The following ADAMTS2 variants were observed in gnomAD, a reference collection of about 807,000 sequenced individuals.
The protein encoded by ADAMTS2 is A disintegrin and metalloproteinase with thrombospondin motifs 2.
Under a neutral mutation model 123.0 loss-of-function variants are expected in ADAMTS2, and 50 were observed. The ratio of observed to expected loss-of-function variants is 0.41; its 90% CI spans 0.32 to 0.51. The LOEUF (loss-of-function observed/expected upper bound fraction) is 0.51. Among genes scored for constraint, ADAMTS2 ranks in the 20% least tolerant of loss-of-function variants. The probability of loss-of-function intolerance (pLI) is 0.35; values close to 1 mark genes in which losing one functional copy is unlikely to be tolerated. For missense variants in ADAMTS2, 1,494 were observed against 1,705.2 expected, an observed-to-expected ratio of 0.88 and a Z score of 2.18; for synonymous variants, 678 against 695.4, an observed-to-expected ratio of 0.98 and a Z score of 0.39.
intron 2 of ADAMTS2, among the ~76,000 whole-genome samples, chr5:179,277,247 G>A (rs796869494): frequency 4.6e-5 from 7 of 152,168 alleles, no homozygotes; most frequent in African/African-American, 1.7e-4. Context: ...CGTCTCTGTT[G>A]ACCACCGTGC....
chr5:179,340,226 G>C (rs1262542472), intron 2 of ADAMTS2, among the ~76,000 whole-genome samples: 3 of 152,252 alleles, frequency 2.0e-5, no homozygotes, highest in Non-Finnish European at 4.4e-5. Flanking sequence ...GCCCATGGAG[G>C]CTTCATCCAC....
chr5:179,280,678 C>A (rs542428545), intron 2 of ADAMTS2, among the ~76,000 whole-genome samples: 1 of 152,098 alleles, frequency 6.6e-6, no homozygotes, highest in Non-Finnish European at 1.5e-5. Context: ...CCTCTCTCTC[C>A]GGGCTTCTAT....
chr5:179,223,373 C>T (rs1472755157), intron 3 of ADAMTS2, among the ~76,000 whole-genome samples: 1 of 139,170 alleles, frequency 7.2e-6, no homozygotes, highest in Non-Finnish European at 1.5e-5. Context: ...CACTCACAAA[C>T]ACGCACACAC....
rs1350113637 is a variant in ADAMTS2 at position 179,256,312 on chromosome 5, G to A, written c.688+16599C>T. On this transcript the variant is annotated intron_variant, in intron 3 of 21. Coordinates refer to ENST00000251582, the MANE Select transcript of ADAMTS2 (RefSeq NM_014244.5). This position sits in a 1 kb window ranked among gnomAD's most constrained non-coding sequence, Gnocchi z 4.1. ...AAAGAGGACGGGGGCTTATTATAAG[G>A]AAAATAGTGTCAGGCCTGCCATGGA... is the stretch of plus-strand genomic sequence containing the variant. 1.3e-5 allele frequency among the ~76,000 whole-genome samples: 2 copies of A among 152,160 alleles called. No homozygotes were observed. Among genetic ancestry groups the A allele is most frequent in the East Asian group, 3.9e-4 (2 of 5,174 alleles).
chr5:179,270,173 T>C (rs141235664), intron 3 of ADAMTS2, among the ~76,000 whole-genome samples: 2 of 152,178 alleles, frequency 1.3e-5, no homozygotes, highest in Non-Finnish European at 2.9e-5. Context: ...ACAGAGACTA[T>C]TAGTGAAAAT....
chr5:179,246,467 G>A (rs1765803669), intron 3 of ADAMTS2, among the ~76,000 whole-genome samples: 1 of 152,172 alleles, frequency 6.6e-6, no homozygotes. Flanking sequence ...CTAAAGGCTT[G>A]GGGAGGAAGA....
Position 179,332,899 on chromosome 5 carries a change from C to T in ADAMTS2, c.534+10868G>A, listed in dbSNP as rs11745920. Reference sequence around the variant, plus strand: ...TCAGGTCTGCAGGATCAGTGCTCAACGCCCATGGAGCTCCAGGTGGCCGCC... The same window carrying T: ...TCAGGTCTGCAGGATCAGTGCTCAATGCCCATGGAGCTCCAGGTGGCCGCC... On this transcript the variant is annotated intron_variant, in intron 2 of 21. Transcript: ENST00000251582. This position sits in a 1 kb window ranked among gnomAD's most constrained non-coding sequence, Gnocchi z 4.2. Among the ~76,000 whole-genome samples the T allele has an allele frequency of 0.14, 20,834 of 152,136 alleles. 1,788 individuals are homozygous for T. Among genetic ancestry groups the T allele is most frequent in the South Asian group, 0.36 (1,748 of 4,804 alleles).
chr5:179,334,716 A>C (rs751007569), intron 2 of ADAMTS2, among the ~76,000 whole-genome samples: 2 of 152,214 alleles, frequency 1.3e-5, no homozygotes, highest in African/African-American at 4.8e-5. Flanking sequence ...CTCCACAAAG[A>C]TATATTAGAA....
chr5:179,272,861 A>G lies in ADAMTS2; in HGVS notation c.688+50T>C. Reference sequence around the variant, plus strand: ...TCTCTGGGATGCTCCCCTGGGGACCAGGGCCTCAGAGGGCTCTCCACACAG... The same window carrying G: ...TCTCTGGGATGCTCCCCTGGGGACCGGGGCCTCAGAGGGCTCTCCACACAG... On this transcript the variant is annotated intron_variant, in intron 3 of 21. Transcript: ENST00000251582. The surrounding 1 kb of genome is among the most constrained non-coding windows in gnomAD (Gnocchi z 5.8). The G allele has an allele frequency of 6.3e-7, 1 of 1,589,200 alleles. No individual in the cohort carries two copies. Among genetic ancestry groups the G allele is most frequent in the East Asian group, 2.2e-5 (1 of 44,646 alleles).
rs1247333937 is a variant in ADAMTS2 at position 179,345,252 on chromosome 5, G to A, written c.77C>T (p.Pro26Leu). ...LLLLLLLLPP[P>L]LLPPPPPPAN... The stretch of plus-strand genomic sequence containing the variant: ...GGGCGGCGGCGGCGGCGGCAGGAGC[G>A]GCGGCGGCAGCAGCAGCAGCAGCAG... The change falls in exon 1 of 22, where the codon CCG becomes CTG. Residue 26 changes from proline (P) to leucine (L), a missense_variant. This residue lies in a region of ADAMTS2 where 237 missense variants were observed against 233.7 expected (regional missense o/e 1.01). Transcript: ENST00000251582. This position sits in a 1 kb window ranked among gnomAD's most constrained non-coding sequence, Gnocchi z 7.5. 8.7e-7 allele frequency: 1 copy of A among 1,143,602 alleles called. No individual in the cohort carries two copies. The highest frequency in any genetic ancestry group is 1.1e-6 in the Non-Finnish European group (1 of 938,110). 70.8% of individuals were successfully genotyped at this position (1,143,602 alleles called of 1,614,324 possible).
intron 4 of ADAMTS2, among the ~76,000 whole-genome samples, chr5:179,190,073 T>A (rs1174809341): frequency 6.6e-6 from 1 of 152,160 alleles, no homozygotes; most frequent in Non-Finnish European, 1.5e-5. Flanking sequence ...GGATCTTCAG[T>A]TGTTTCAGGC....
chr5:179,141,407 A>G (rs1763167855), intron 10 of ADAMTS2, among the ~76,000 whole-genome samples: 1 of 152,154 alleles, frequency 6.6e-6, no homozygotes, highest in Non-Finnish European at 1.5e-5. Context: ...TGTAAACTTT[A>G]TTTACAAAAA....
chr5:179,143,833 T>G (rs1763212086), intron 10 of ADAMTS2, among the ~76,000 whole-genome samples: 1 of 152,234 alleles, frequency 6.6e-6, no homozygotes, highest in Admixed American at 6.5e-5. Flanking sequence ...CATATTCCAT[T>G]AATTTTTATC....
rs1395712065 is a variant in ADAMTS2 at position 179,256,169 on chromosome 5, G to C, written c.688+16742C>G. Among the ~76,000 whole-genome samples, 1 of 152,176 alleles carries C rather than the reference G, an allele frequency of 6.6e-6. No homozygotes were observed. The highest frequency in any genetic ancestry group is 1.5e-5 in the Non-Finnish European group (1 of 68,036). On this transcript the variant is annotated intron_variant, in intron 3 of 21. Transcript: ENST00000251582. The surrounding 1 kb of genome is among the most constrained non-coding windows in gnomAD (Gnocchi z 4.1). ...AGAGGCCCCAGGCTCCTTCAGGTGG[G>C]AGCACAGGTGCCTTTCGCACAGGGC... is the stretch of plus-strand genomic sequence containing the variant.
chr5:179,165,398 G>A (rs773248370), intron 5 of ADAMTS2, among the ~76,000 whole-genome samples: 20 of 152,220 alleles, frequency 1.3e-4, no homozygotes, highest in Admixed American at 2.6e-4. Flanking sequence ...TCACCAGCTC[G>A]CCCTGGTCAT....
At chr5:179,253,023 C>T (rs1017919092) in intron 3 of ADAMTS2, among the ~76,000 whole-genome samples, 3 of 152,196 alleles carry the variant, frequency 2.0e-5, no homozygotes, top group African/African-American at 7.2e-5. Context: ...AGCAGCGTCT[C>T]CTGTCTTGAG....
intron 21 of ADAMTS2, chr5:179,120,066 C>A (rs1217283860): frequency 1.3e-5 from 2 of 152,024 alleles, no homozygotes; most frequent in African/African-American, 2.4e-5. Flanking sequence ...TAAAGTCATT[C>A]AAATTAGAAA....
chr5:179,176,018 GC>G (rs1403556851), intron 5 of ADAMTS2, among the ~76,000 whole-genome samples: 2 of 152,110 alleles, frequency 1.3e-5, no homozygotes, highest in Non-Finnish European at 2.9e-5. Context: ...CCCCAGGAAT[GC>G]CCATTTTCCT....
chr5:179,132,150 CCT>C lies in ADAMTS2; in HGVS notation c.2290+78_2290+79del, dbSNP rs1220489113. Reference sequence around the variant, plus strand: ...GGCTGCACAACCCGGGCCCCTGACCCCTGACCCCTGGCACTCTGCCCATTGAT... The same window carrying C: ...GGCTGCACAACCCGGGCCCCTGACCCGACCCCTGGCACTCTGCCCATTGAT... On this transcript the variant is annotated intron_variant, in intron 15 of 21. Coordinates refer to ENST00000251582, the MANE Select transcript of ADAMTS2 (RefSeq NM_014244.5). The surrounding 1 kb of genome is among the most constrained non-coding windows in gnomAD (Gnocchi z 6.1). 2 of 1,443,066 alleles carry C rather than the reference CCT, an allele frequency of 1.4e-6. No individual in the cohort carries two copies. Among genetic ancestry groups the C allele is most frequent in the Non-Finnish European group, 9.7e-7 (1 of 1,033,978 alleles). 89.4% of individuals were successfully genotyped at this position (1,443,066 alleles called of 1,614,324 possible). A position where few individuals can be genotyped will look rare whatever the true frequency, so the allele number is the denominator to read the frequency against.
Sources: allele counts gnomAD v4.1 joint callset (sites outside exome capture counted in the v4.1 genomes callset), GRCh38; gene constraint gnomAD v4.1.1; regional missense constraint gnomAD v4.1.1; non-coding constraint Gnocchi (gnomAD v3.1); transcripts MANE v1.5; gene names NCBI Gene and HGNC (gene_info 2026-07-23, HGNC 2026-07-21).